SCN11A: variants seen among roughly 807,000 people sequenced by gnomAD.
The protein encoded by SCN11A is sodium channel protein type 11 subunit alpha.
A neutral mutation model predicts 162.2 loss-of-function variants in SCN11A; 122 were observed. That is an observed-to-expected ratio of 0.75 (90% CI 0.65 to 0.87). SCN11A has a LOEUF of 0.87. SCN11A is among the 40% of genes least tolerant of loss of function. The probability of loss-of-function intolerance (pLI) is 0.00; values close to 1 mark genes in which losing one functional copy is unlikely to be tolerated. For missense variants in SCN11A, 2,015 were observed against 2,181.6 expected, an observed-to-expected ratio of 0.92 and a Z score of 1.52; for synonymous variants, 758 against 751.5, an observed-to-expected ratio of 1.01 and a Z score of -0.14.
intron 4 of SCN11A, among the ~76,000 whole-genome samples, chr3:38,952,966 C>T (rs1048802147): frequency 1.3e-5 from 2 of 152,032 alleles, no homozygotes; most frequent in Non-Finnish European, 2.9e-5. Flanking sequence ...ATGGACTTCC[C>T]CTGAGGGTAA....
Position 38,846,886 on chromosome 3 carries a change from G to C in SCN11A, c.5184C>G (p.Thr1728=), listed in dbSNP as rs982496528. The part of the protein sequence containing the change: ...KKLYEPIVTT[T]KRKEEERGAA... ...CACCTCTTTCCTCTTCCTTTCTCTT[G>C]GTGGTGGTGACTATGGGTTCATACA... The change falls in exon 30 of 30, where the codon ACC becomes ACG. Residue 1728 remains threonine (T), a synonymous_variant. Transcript: ENST00000302328. 1 of 1,613,932 alleles carries C rather than the reference G, an allele frequency of 6.2e-7. No individual in the cohort carries two copies. Among genetic ancestry groups the C allele is most frequent in the African/African-American group, 1.3e-5 (1 of 74,886 alleles).
At chr3:38,951,257 G>C (rs1305344838) in intron 4 of SCN11A, among the ~76,000 whole-genome samples, 1 of 152,200 alleles carries the variant, frequency 6.6e-6, no homozygotes, top group East Asian at 1.9e-4. Context: ...CAGCCGGCTG[G>C]CCCTGCCGGC....
Position 38,853,909 on chromosome 3 carries a change from A to G in SCN11A, c.4057-3158T>C, listed in dbSNP as rs565681774. Among the ~76,000 whole-genome samples the G allele has an allele frequency of 5.9e-5, 9 of 152,262 alleles. No homozygotes were observed. The East Asian group carries it at 1.5e-3, about 26-fold the overall frequency. On this transcript the variant is annotated intron_variant, in intron 28 of 29. Transcript: ENST00000302328. ...ATGTATACAACATCTCAGCTCCTCA[A>G]TTAGACTGCAAGCACAGAGCTGCCC...
At chr3:38,900,101 A>T in intron 16 of SCN11A, 28 bp from the exon 17 acceptor site, 1 of 1,591,700 alleles carries the variant, frequency 6.3e-7, no homozygotes, top group Non-Finnish European at 8.6e-7. Context: ...AGAATGAGAG[A>T]AGGAAGCTGC....
At chr3:38,969,341 G>A (rs1333915039) in intron 2 of SCN11A, among the ~76,000 whole-genome samples, 1 of 152,170 alleles carries the variant, frequency 6.6e-6, no homozygotes, top group Non-Finnish European at 1.5e-5. Flanking sequence ...ACCCTTACTG[G>A]GGAGGAAGGA....
At chr3:38,942,657 A>T (rs539484737) in intron 7 of SCN11A, among the ~76,000 whole-genome samples, 5 of 152,306 alleles carry the variant, frequency 3.3e-5, no homozygotes, top group South Asian at 4.1e-4. Flanking sequence ...ACCAAAAGGT[A>T]ATAAAAACAC....
At position 38,883,374 on chromosome 3, in the gene SCN11A, G is replaced by A. The variant is rs1478821824; in HGVS notation, c.3078C>T (p.Cys1026=). ...ERCLPKGFGC[C]FPCCSVDKRK... Reference sequence around the variant, plus strand: ...TCTTGTCCACGCTACAGCATGGAAAGCAGCAACCAAAGCCTGAAAGGAATT... The same window carrying A: ...TCTTGTCCACGCTACAGCATGGAAAACAGCAACCAAAGCCTGAAAGGAATT... Residue 1026 remains cysteine, a synonymous_variant, in exon 22 of 30, where the codon TGC becomes TGT. Coordinates refer to ENST00000302328, the MANE Select transcript of SCN11A (RefSeq NM_001349253.2). 1 of 1,612,720 alleles carries A rather than the reference G, an allele frequency of 6.2e-7. No homozygotes were observed. The highest frequency in any genetic ancestry group is 2.2e-5 in the East Asian group (1 of 44,888).
chr3:38,889,803 AAAATAAAATAAAATAAAAT>A (rs1441432057), intron 19 of SCN11A, among the ~76,000 whole-genome samples: 4 of 21,454 alleles, frequency 1.9e-4, no homozygotes, highest in African/African-American at 6.1e-4. Flanking sequence ...CCATCTCAAA[AAAATAAAATAAAATAAAAT>A]AAAATAAAAT....
At chr3:38,981,780 G>A (rs1464326733) in intron 2 of SCN11A, among the ~76,000 whole-genome samples, 2 of 152,066 alleles carry the variant, frequency 1.3e-5, no homozygotes, top group Admixed American at 1.3e-4. Context: ...TGAGGCAGGC[G>A]GATCACCTGA....
Position 38,908,089 on chromosome 3 carries a change from G to A in SCN11A, c.1333C>T (p.Leu445Phe). The A allele has an allele frequency of 1.9e-6, 3 of 1,612,708 alleles. No homozygotes were observed. The highest frequency in any genetic ancestry group is 1.7e-6 in the Non-Finnish European group (2 of 1,179,710). The change falls in exon 14 of 30, where the codon CTT becomes TTT. Residue 445 changes from leucine (L) to phenylalanine (F), a missense_variant. By Grantham distance (22) the Leu-to-Phe change is conservative. Coordinates refer to ENST00000302328, the MANE Select transcript of SCN11A (RefSeq NM_001349253.2). ...LVAMGIDRSS[L>F]TSLETSYFTP... is the part of the protein sequence containing the mutation. The stretch of plus-strand genomic sequence containing the variant: ...AAATATGATGTTTCAAGGGAAGTAA[G>A]TGAACTTCTGTCAATTCCCATGGCA...
intron 22 of SCN11A, among the ~76,000 whole-genome samples, chr3:38,881,113 A>G (rs1466411278): frequency 6.6e-6 from 1 of 152,194 alleles, no homozygotes; most frequent in African/African-American, 2.4e-5. Context: ...AAGGCCCTCT[A>G]TCTCATCCTC....
intron 7 of SCN11A, among the ~76,000 whole-genome samples, chr3:38,938,243 G>A (rs573335327): frequency 2.0e-5 from 3 of 151,724 alleles, no homozygotes; most frequent in Non-Finnish European, 4.4e-5. Context: ...GGTGGGCGGA[G>A]TGGGGAGGGA....
In SCN11A at chr3:38,995,819, G is replaced by GTCTGTCTATCTATCTATCTATCTA. The variant is rs1553648593; in HGVS notation, c.-279-35397_-279-35396insTAGATAGATAGATAGATAGACAGA. On this transcript the variant is annotated intron_variant, in intron 2 of 29. Coordinates refer to ENST00000302328, the MANE Select transcript of SCN11A (RefSeq NM_001349253.2). ...AAATTGTCTATCTATCTATCTATCT[G>GTCTGTCTATCTATCTATCTATCTA]TCTATCTATCTATCTATCTATCTAT... 1.9e-3 allele frequency among the ~76,000 whole-genome samples: 273 copies of GTCTGTCTATCTATCTATCTATCTA among 141,752 alleles called. 1 individual carries two copies. Among genetic ancestry groups the GTCTGTCTATCTATCTATCTATCTA allele is most frequent in the African/African-American group, 6.4e-3 (245 of 38,130 alleles). The allele number at this position is 141,752 out of a possible 152,430, so 93.0% of individuals were successfully genotyped here.
intron 4 of SCN11A, 100 bp from the exon 5 acceptor site, chr3:38,950,469 G>A (rs2066596115): frequency 7.8e-7 from 1 of 1,277,020 alleles, no homozygotes; most frequent in East Asian, 2.3e-5. Flanking sequence ...GGTGTCATAA[G>A]GATCTACAAA....
intron 21 of SCN11A, among the ~76,000 whole-genome samples, chr3:38,884,118 C>T (rs1267078034): frequency 6.6e-6 from 1 of 152,182 alleles, no homozygotes; most frequent in East Asian, 1.9e-4. Flanking sequence ...TAACATTCTG[C>T]TCCTTTCCTC....
At chr3:38,937,689 G>A (rs2066358859) in intron 7 of SCN11A, among the ~76,000 whole-genome samples, 1 of 152,114 alleles carries the variant, frequency 6.6e-6, no homozygotes, top group African/African-American at 2.4e-5. Context: ...TCTCACACCA[G>A]TTAGAATGGC....
chr3:38,913,530 T>C (rs2065915288), intron 11 of SCN11A, among the ~76,000 whole-genome samples: 1 of 152,238 alleles, frequency 6.6e-6, no homozygotes, highest in Non-Finnish European at 1.5e-5. Flanking sequence ...TTTGGTTTCA[T>C]TCTGATTGCT....
At chr3:38,939,116 T>G (rs1440012235) in intron 7 of SCN11A, among the ~76,000 whole-genome samples, 1 of 151,988 alleles carries the variant, frequency 6.6e-6, no homozygotes, top group African/African-American at 2.4e-5. Context: ...AAGGCTGCAG[T>G]GAGTAGAGAT....
In SCN11A at chr3:38,925,493, G is replaced by GA; in HGVS notation, c.633dup (p.Pro212SerfsTer78). 1 of 1,612,546 alleles carries GA rather than the reference G, an allele frequency of 6.2e-7. No homozygotes were observed. The highest frequency in any genetic ancestry group is 8.5e-7 in the Non-Finnish European group (1 of 1,178,602). ...GGCAATAGTTTGATGGTGATTCCTG[G>GA]AATATATGACACAATCCTACAAGAC... On this transcript the variant is annotated frameshift_variant, in exon 9 of 30. Transcript: ENST00000302328. LOFTEE classifies it high-confidence loss of function.
Sources: gnomAD v4.1 joint callset for allele counts (sites outside exome capture counted in the v4.1 genomes callset) on GRCh38, gnomAD v4.1.1 for gene constraint, MANE v1.5 for transcripts, NCBI Gene and HGNC (gene_info 2026-07-23, HGNC 2026-07-21) for gene names.